The following TENM3 variants were observed in gnomAD, a reference collection of about 807,000 sequenced individuals.
The protein encoded by TENM3 is teneurin transmembrane protein 3.
Under a neutral mutation model 255.1 loss-of-function variants are expected in TENM3, and 63 were observed. The ratio of observed to expected loss-of-function variants is 0.25; its 90% CI spans 0.20 to 0.30. The LOEUF (loss-of-function observed/expected upper bound fraction) is 0.30. Ranked by LOEUF, TENM3 falls within the 10% of genes least tolerant of loss-of-function variation. The pLI, the probability that TENM3 is intolerant of heterozygous loss-of-function variation, is 1.00. For missense variants in TENM3, 2,929 were observed against 3,461.1 expected (o/e 0.85, Z 3.86); for synonymous variants, 1,306 against 1,322.3 (o/e 0.99, Z 0.27).
the TENM3 span, among the ~76,000 whole-genome samples, chr4:181,616,866 A>T: frequency 6.6e-6 from 1 of 152,190 alleles, no homozygotes. Flanking sequence ...TTGAAGGCAG[A>T]TCTTTTACTC....
At chr4:182,716,628 C>A (rs1759198381) in intron 13 of TENM3, among the ~76,000 whole-genome samples, 1 of 152,168 alleles carries the variant, frequency 6.6e-6, no homozygotes, top group Admixed American at 6.5e-5. Context: ...TGAACTTAAG[C>A]ATAAGCTACA....
At chr4:182,746,529 A>C (rs1762023821) in intron 19 of TENM3, among the ~76,000 whole-genome samples, 1 of 152,164 alleles carries the variant, frequency 6.6e-6, no homozygotes, top group South Asian at 2.1e-4. Context: ...GGGGAGGGTC[A>C]GATTGCTTGG....
the TENM3 span, among the ~76,000 whole-genome samples, chr4:181,673,870 G>A: frequency 1.3e-5 from 2 of 150,814 alleles, no homozygotes; most frequent in African/African-American, 5.0e-5. Context: ...GTGTGTGTGT[G>A]TGTGTGTGTG....
At chr4:181,536,765 G>T in the TENM3 span, among the ~76,000 whole-genome samples, 1 of 152,212 alleles carries the variant, frequency 6.6e-6, no homozygotes, top group Non-Finnish European at 1.5e-5. Flanking sequence ...GTGGGCTCTA[G>T]TGTGCAGAAT....
the TENM3 span, among the ~76,000 whole-genome samples, chr4:181,588,681 G>GA: frequency 6.6e-6 from 1 of 152,198 alleles, no homozygotes; most frequent in Admixed American, 6.5e-5. Flanking sequence ...TGTAAATAGA[G>GA]AAGAGAGGGA....
the TENM3 span, among the ~76,000 whole-genome samples, chr4:181,889,203 C>G: frequency 2.0e-5 from 3 of 152,184 alleles, no homozygotes; most frequent in South Asian, 6.2e-4. Context: ...CAGGGCGGAT[C>G]CCTCATGAGG....
the TENM3 span, among the ~76,000 whole-genome samples, chr4:181,493,792 T>C: frequency 1.9e-4 from 29 of 152,166 alleles, no homozygotes; most frequent in Non-Finnish European, 4.0e-4. Flanking sequence ...TTGTATTTGA[T>C]CTATTTCACC....
At chr4:181,573,037 C>T in the TENM3 span, among the ~76,000 whole-genome samples, 1 of 132,614 alleles carries the variant, frequency 7.5e-6, no homozygotes, top group Non-Finnish European at 1.7e-5. Context: ...CATAATGACC[C>T]TCTGATTCCA....
chr4:181,718,873 A>G, the TENM3 span, among the ~76,000 whole-genome samples: 26 of 152,302 alleles, frequency 1.7e-4, no homozygotes, highest in African/African-American at 5.8e-4. Context: ...AACAGACACC[A>G]CTTATGCATG....
intron 4 of TENM3, among the ~76,000 whole-genome samples, chr4:182,619,196 G>A (rs2152447899): frequency 6.6e-6 from 1 of 152,198 alleles, no homozygotes; most frequent in East Asian, 1.9e-4. Flanking sequence ...GGGAGGCCGA[G>A]GCAAGCGGAT....
chr4:182,512,368 A>G (rs1217867129), intron 3 of TENM3, among the ~76,000 whole-genome samples: 1 of 152,006 alleles, frequency 6.6e-6, no homozygotes, highest in East Asian at 1.9e-4. Context: ...CGTCTGAGTT[A>G]CCACGTGGAA....
At chr4:182,656,474 G>A (rs1211923873) in intron 6 of TENM3, among the ~76,000 whole-genome samples, 1 of 152,116 alleles carries the variant, frequency 6.6e-6, no homozygotes, top group Non-Finnish European at 1.5e-5. Flanking sequence ...TACAAGGAGG[G>A]AGGTAGCTGC....
intron 1 of TENM3, among the ~76,000 whole-genome samples, chr4:182,321,902 G>A (rs28493106): frequency 0.14 from 20,853 of 151,756 alleles, 1,991 homozygotes; most frequent in African/African-American, 0.27. Context: ...CCAAGAGCGC[G>A]CCACTGCACT....
chr4:182,014,122 A>G, the TENM3 span, among the ~76,000 whole-genome samples: 1 of 146,102 alleles, frequency 6.8e-6, no homozygotes, highest in Non-Finnish European at 1.5e-5. Flanking sequence ...ATATATACGT[A>G]TATATACATA....
chr4:181,767,058 CTGGCTAACAA>C, the TENM3 span, among the ~76,000 whole-genome samples: 1 of 135,122 alleles, frequency 7.4e-6, no homozygotes, highest in Non-Finnish European at 1.6e-5. Flanking sequence ...CAAGACCATT[CTGGCTAACAA>C]GGGGAAATCC....
At chr4:181,778,461 C>G in the TENM3 span, among the ~76,000 whole-genome samples, 2 of 152,216 alleles carry the variant, frequency 1.3e-5, no homozygotes, top group Admixed American at 6.5e-5. Flanking sequence ...GGAAAACTTA[C>G]CAGCCTTTTA....
the TENM3 span, among the ~76,000 whole-genome samples, chr4:181,863,260 C>T: frequency 6.6e-6 from 1 of 152,104 alleles, no homozygotes; most frequent in African/African-American, 2.4e-5. Flanking sequence ...ACCCAACATT[C>T]ATACTTCTTC....
intron 3 of TENM3, among the ~76,000 whole-genome samples, chr4:182,560,442 G>T (rs1244286491): frequency 1.3e-5 from 2 of 152,138 alleles, no homozygotes; most frequent in African/African-American, 4.8e-5. Context: ...CCCCTCTACT[G>T]CTTCTCCTAC....
At chr4:182,686,368 T>C (rs917515719) in intron 11 of TENM3, among the ~76,000 whole-genome samples, 1 of 152,124 alleles carries the variant, frequency 6.6e-6, no homozygotes, top group Non-Finnish European at 1.5e-5. Flanking sequence ...ATCTGGTTGT[T>C]GCACAGTTCT....
Sources: allele counts gnomAD v4.1 joint callset (sites outside exome capture counted in the v4.1 genomes callset), GRCh38; gene constraint gnomAD v4.1.1; transcripts MANE v1.5; gene names NCBI Gene and HGNC (gene_info 2026-07-23, HGNC 2026-07-21).